Variants in MORC1 observed in about 807,000 individuals in gnomAD.
The protein encoded by MORC1 is MORC family CW-type zinc finger 1.
Under a neutral mutation model 134.9 loss-of-function variants are expected in MORC1, and 59 were observed. The ratio of observed to expected loss-of-function variants is 0.44; its 90% CI spans 0.35 to 0.54. The LOEUF is 0.54. Among genes scored for constraint, MORC1 ranks in the 20% least tolerant of loss-of-function variants. The pLI, the probability that MORC1 is intolerant of heterozygous loss-of-function variation, is 0.00. For synonymous variants in MORC1, 395 were observed against 391.7 expected (o/e 1.01, Z -0.10); for missense variants, 947 against 1,134.5 (o/e 0.83, Z 2.37).
At chr3:109,044,474 C>T (rs145978818) in intron 14 of MORC1, among the ~76,000 whole-genome samples, 20,352 of 150,240 alleles carry the variant, frequency 0.14, 1,782 homozygotes, top group Admixed American at 0.2. Flanking sequence ...AGGAGAATGG[C>T]GTGAACCCAG....
chr3:109,074,259 C>T (rs546137967), intron 8 of MORC1, among the ~76,000 whole-genome samples: 1 of 152,210 alleles, frequency 6.6e-6, no homozygotes, highest in South Asian at 2.1e-4. Flanking sequence ...TGTGGCAAGC[C>T]CCTTTGATGA....
chr3:109,007,941 A>ATGTGTGTG (rs113629397), intron 17 of MORC1, among the ~76,000 whole-genome samples: 2,841 of 149,598 alleles, frequency 0.019, 91 homozygotes, highest in African/African-American at 0.063. Flanking sequence ...GCACATATAT[A>ATGTGTGTG]TGTGTGTGTG....
At chr3:108,962,367 G>A (rs1204149497) in intron 27 of MORC1, among the ~76,000 whole-genome samples, 1 of 151,972 alleles carries the variant, frequency 6.6e-6, no homozygotes, top group African/African-American at 2.4e-5. Flanking sequence ...GAAGTGGGAA[G>A]GGACTCCCAC....
At chr3:109,058,486 C>A (rs954048641) in intron 12 of MORC1, among the ~76,000 whole-genome samples, 3 of 151,996 alleles carry the variant, frequency 2.0e-5, no homozygotes, top group Non-Finnish European at 4.4e-5. Context: ...CTTATGACCA[C>A]GTGCTATTAT....
chr3:108,965,389 C>T (rs1199108160), intron 26 of MORC1, among the ~76,000 whole-genome samples: 1 of 152,126 alleles, frequency 6.6e-6, no homozygotes, highest in Non-Finnish European at 1.5e-5. Context: ...ATAAATAAAG[C>T]AATTGTCAAA....
At chr3:109,006,060 G>A (rs186275402) in intron 18 of MORC1, among the ~76,000 whole-genome samples, 163 of 152,256 alleles carry the variant, frequency 1.1e-3, no homozygotes, top group African/African-American at 3.8e-3. Context: ...GAGGACTTAC[G>A]ATGACATGTT....
rs552301837 is a variant in MORC1, at chr3:109,091,579, GA to G, written c.689+1856del. ...TGGAATTAAGGGCAAATCTTTTACA[GA>G]AAAAAACTACAGAGGCACTGCTACC... On this transcript the variant is annotated intron_variant, in intron 8 of 27. Coordinates refer to ENST00000232603, the MANE Select transcript of MORC1 (RefSeq NM_014429.4). 1.8e-3 allele frequency among the ~76,000 whole-genome samples: 271 copies of G among 152,132 alleles called. 6 individuals are homozygous for G. The highest frequency in any genetic ancestry group is 6.3e-3 in the African/African-American group (260 of 41,516).
At position 109,088,822 on chromosome 3, in the gene MORC1, C is replaced by T. The variant is rs568411757; in HGVS notation, c.689+4614G>A. 3.9e-5 allele frequency among the ~76,000 whole-genome samples: 6 copies of T among 152,132 alleles called. No individual in the cohort carries two copies. The East Asian group carries it at 7.7e-4, about 20-fold the overall frequency. ...TAGCAAAGATATGGAACCTAAATGT[C>T]CATAAATGACAGATTGGATAAAGAA... On this transcript the variant is annotated intron_variant, in intron 8 of 27. Transcript: ENST00000232603.
chr3:109,000,405 A>G, intron 21 of MORC1, 152 bp downstream of exon 21: 1 of 557,762 alleles, frequency 1.8e-6, no homozygotes, highest in East Asian at 3.0e-5. Context: ...AGCCTTGAGC[A>G]AGTAACTTAA....
intron 14 of MORC1, 72 bp from the exon 15 acceptor site, chr3:109,035,540 G>C: frequency 1.1e-6 from 1 of 939,344 alleles, no homozygotes; most frequent in Non-Finnish European, 1.6e-6. Context: ...GCAAAGGGAA[G>C]TTTGTATATA....
At chr3:109,082,565 G>C (rs1035169091) in intron 8 of MORC1, among the ~76,000 whole-genome samples, 3 of 152,150 alleles carry the variant, frequency 2.0e-5, no homozygotes, top group South Asian at 4.1e-4. Flanking sequence ...AGTAATTAAA[G>C]AAATTTAATA....
chr3:109,038,904 T>C (rs942174431), intron 14 of MORC1, among the ~76,000 whole-genome samples: 4 of 152,108 alleles, frequency 2.6e-5, no homozygotes, highest in African/African-American at 9.7e-5. Context: ...TTGCTTAGGA[T>C]TGTCTTGGCT....
At chr3:109,059,962 G>C in intron 11 of MORC1, 92 bp from the exon 12 acceptor site, 3 of 1,033,930 alleles carry the variant, frequency 2.9e-6, no homozygotes, top group South Asian at 1.5e-5. Context: ...TGTTTCAAGG[G>C]TAACAATAGC....
At chr3:109,023,545 G>A (rs1949007908) in intron 17 of MORC1, among the ~76,000 whole-genome samples, 1 of 152,106 alleles carries the variant, frequency 6.6e-6, no homozygotes, top group South Asian at 2.1e-4. Context: ...ATGATTGAGG[G>A]TATTAAGTGG....
chr3:109,051,723 T>C (rs539797160), intron 14 of MORC1, among the ~76,000 whole-genome samples: 1 of 152,236 alleles, frequency 6.6e-6, no homozygotes, highest in East Asian at 1.9e-4. Context: ...CAAACCCTAT[T>C]ATATCTGTTG....
intron 17 of MORC1, 100 bp downstream of exon 17, chr3:109,027,651 T>A (rs1038827315): frequency 1.4e-6 from 2 of 1,454,668 alleles, no homozygotes; most frequent in Non-Finnish European, 9.6e-7. Flanking sequence ...AAAAAGATTA[T>A]ACACATTTTA....
intron 9 of MORC1, among the ~76,000 whole-genome samples, chr3:109,067,260 C>T (rs1245487211): frequency 6.6e-6 from 1 of 152,146 alleles, no homozygotes; most frequent in Admixed American, 6.5e-5. Flanking sequence ...AATCAAGTAA[C>T]ACAACCATAT....
chr3:109,038,287 GTT>G (rs137911536), intron 14 of MORC1, among the ~76,000 whole-genome samples: 7 of 146,696 alleles, frequency 4.8e-5, no homozygotes, highest in Admixed American at 6.8e-5. Flanking sequence ...TGTTGATGGG[GTT>G]TTTTTTTTTT....
In MORC1 at chr3:109,028,768, C is replaced by G. The variant is rs1003413620; in HGVS notation, c.1566-879G>C. ...TATTTTGTTCACTTCGGTATCAAGG[C>G]TTGATACAGACAAGAAGTTCAGCTC... On this transcript the variant is annotated intron_variant, in intron 16 of 27. Coordinates refer to ENST00000232603, the MANE Select transcript of MORC1 (RefSeq NM_014429.4). Among the ~76,000 whole-genome samples, 4 of 152,228 alleles carry G rather than the reference C, an allele frequency of 2.6e-5. No homozygotes were observed. The South Asian group carries it at 8.3e-4, about 32-fold the overall frequency.
Sources: gnomAD v4.1 joint callset for allele counts (sites outside exome capture counted in the v4.1 genomes callset) on GRCh38, gnomAD v4.1.1 for gene constraint, MANE v1.5 for transcripts, NCBI Gene and HGNC (gene_info 2026-07-23, HGNC 2026-07-21) for gene names.